Variants in JAKMIP1 observed in about 807,000 individuals in gnomAD.
JAKMIP1 encodes the protein janus kinase and microtubule interacting protein 1, also known as janus kinase and microtubule-interacting protein 1.
A neutral mutation model predicts 113.0 loss-of-function variants in JAKMIP1; 33 were observed. The ratio of observed to expected loss-of-function variants is 0.29; its 90% CI spans 0.22 to 0.39. The LOEUF (loss-of-function observed/expected upper bound fraction) is 0.39. JAKMIP1 is among the 10% of genes least tolerant of loss of function. The pLI, the probability that JAKMIP1 is intolerant of heterozygous loss-of-function variation, is 1.00. For missense variants in JAKMIP1, 813 were observed against 1,080.5 expected, an observed-to-expected ratio of 0.75 and a Z score of 3.47; for synonymous variants, 480 against 459.9, an observed-to-expected ratio of 1.04 and a Z score of -0.56.
At chr4:6,070,310 G>A (rs184414239) in intron 8 of JAKMIP1, 154 of 387,028 alleles carry the variant, frequency 4.0e-4, no homozygotes, top group African/African-American at 1.7e-3. Flanking sequence ...TAACACACCC[G>A]CCCTAGCAAC....
chr4:6,110,683 A>C (rs1339537800), intron 2 of JAKMIP1, among the ~76,000 whole-genome samples: 2 of 146,374 alleles, frequency 1.4e-5, no homozygotes, highest in East Asian at 2.0e-4. Context: ...TTCATTCCTC[A>C]AACAACCCAG....
At chr4:6,028,683 A>G (rs767641869) in intron 20 of JAKMIP1, among the ~76,000 whole-genome samples, 4 of 152,136 alleles carry the variant, frequency 2.6e-5, no homozygotes, top group Non-Finnish European at 5.9e-5. Context: ...AAGCCCAGAG[A>G]TGCCCCTTCT....
chr4:6,198,250 C>T (rs1728053573), intron 1 of JAKMIP1, among the ~76,000 whole-genome samples: 1 of 152,170 alleles, frequency 6.6e-6, no homozygotes, highest in Non-Finnish European at 1.5e-5. Context: ...ACTGATGGAA[C>T]CTGAGAGCTG....
At position 6,174,140 on chromosome 4, in the gene JAKMIP1, C is replaced by T. The variant is rs180754176; in HGVS notation, c.-148+26113G>A. On this transcript the variant is annotated intron_variant, in intron 1 of 20. Coordinates refer to ENST00000409021, the MANE Select transcript of JAKMIP1 (RefSeq NM_001099433.2). ...AATTTTATCACTGATTCATTTCCTA[C>T]TCGAACATCACCAATCGTTGCAATA... is the stretch of plus-strand genomic sequence containing the variant. Among the ~76,000 whole-genome samples the T allele has an allele frequency of 5.6e-3, 847 of 152,318 alleles. 4 individuals carry two copies. The highest frequency in any genetic ancestry group is 0.019 in the African/African-American group (801 of 41,560).
At chr4:6,115,961 C>G (rs976735097) in intron 1 of JAKMIP1, among the ~76,000 whole-genome samples, 1 of 152,120 alleles carries the variant, frequency 6.6e-6, no homozygotes, top group Non-Finnish European at 1.5e-5. Flanking sequence ...TGCACCCTAC[C>G]CCGTGCCCAG....
chr4:6,081,572 G>C lies in JAKMIP1; in HGVS notation c.1101+37C>G, dbSNP rs371048779. The C allele has an allele frequency of 6.2e-6, 10 of 1,611,268 alleles. No individual in the cohort carries two copies. In the African/African-American group the frequency reaches 1.2e-4, roughly 19 times the overall value. On this transcript the variant is annotated intron_variant, in intron 6 of 20. Transcript: ENST00000409021. The surrounding 1 kb of genome is among the most constrained non-coding windows in gnomAD (Gnocchi z 4.6). ...GCTGAAGAATCCCAGACAGAGAAGG[G>C]AGTGTCAGGGCTGTCCCCAAGGGGT...
In JAKMIP1 at chr4:6,116,273, C is replaced by G. The variant is rs6830058; in HGVS notation, c.-147-3276G>C. On this transcript the variant is annotated intron_variant, in intron 1 of 20. Transcript: ENST00000409021. This position sits in a 1 kb window ranked among gnomAD's most constrained non-coding sequence, Gnocchi z 5.1. Reference sequence around the variant, plus strand: ...CTGGCTGCGGGCTGCCCAAAGGTCTCATCAGCAGGAGCAACAGCAGGGAAC... The same window carrying G: ...CTGGCTGCGGGCTGCCCAAAGGTCTGATCAGCAGGAGCAACAGCAGGGAAC... Among the ~76,000 whole-genome samples the G allele has an allele frequency of 6.6e-6, 1 of 151,884 alleles. No individual in the cohort carries two copies. Among genetic ancestry groups the G allele is most frequent in the East Asian group, 1.9e-4 (1 of 5,170 alleles).
chr4:6,114,304 TAGA>T (rs1714485853), intron 1 of JAKMIP1, among the ~76,000 whole-genome samples: 1 of 152,132 alleles, frequency 6.6e-6, no homozygotes. Context: ...ATGGTGTGTC[TAGA>T]AGAAGGAAGA....
At chr4:6,112,606 G>C in intron 2 of JAKMIP1, 116 bp downstream of exon 2, 3 of 1,259,884 alleles carry the variant, frequency 2.4e-6, no homozygotes, top group Non-Finnish European at 3.4e-6. Context: ...GAGAGGTGAA[G>C]TGCCCCCCCT....
At chr4:6,118,137 G>A (rs1221824196) in intron 1 of JAKMIP1, among the ~76,000 whole-genome samples, 1 of 152,236 alleles carries the variant, frequency 6.6e-6, no homozygotes, top group Non-Finnish European at 1.5e-5. Flanking sequence ...TTTATGTTTA[G>A]AGACTGCAGT....
intron 17 of JAKMIP1, among the ~76,000 whole-genome samples, chr4:6,041,405 C>T (rs1397958270): frequency 6.6e-6 from 1 of 152,178 alleles, no homozygotes; most frequent in Non-Finnish European, 1.5e-5. Context: ...GCTCTTGCCA[C>T]ACCACACCCT....
chr4:6,094,838 A>T lies in JAKMIP1; in HGVS notation c.625-9209T>A, dbSNP rs994571124. 1.3e-5 allele frequency among the ~76,000 whole-genome samples: 2 copies of T among 152,122 alleles called. No individual in the cohort carries two copies. The highest frequency in any genetic ancestry group is 2.4e-5 in the African/African-American group (1 of 41,418). Reference sequence around the variant, plus strand: ...GAGAAACCTTGTCTCTGCAAAAAATACAAAAAAATTAGCTGGGCATAGGTG... The same window carrying T: ...GAGAAACCTTGTCTCTGCAAAAAATTCAAAAAAATTAGCTGGGCATAGGTG... On this transcript the variant is annotated intron_variant, in intron 3 of 20. Coordinates refer to ENST00000409021, the MANE Select transcript of JAKMIP1 (RefSeq NM_001099433.2). The surrounding 1 kb of genome is among the most constrained non-coding windows in gnomAD (Gnocchi z 4.2).
chr4:6,186,850 C>T lies in JAKMIP1; in HGVS notation c.-148+13403G>A, dbSNP rs936323088. On this transcript the variant is annotated intron_variant, in intron 1 of 20. Coordinates refer to ENST00000409021, the MANE Select transcript of JAKMIP1 (RefSeq NM_001099433.2). The surrounding 1 kb of genome is among the most constrained non-coding windows in gnomAD (Gnocchi z 5.5). The stretch of plus-strand genomic sequence containing the variant: ...AGGTTTTTTGTTTGTTTGTTTGAGA[C>T]AGTCTCTCACTCTGTCACCCAAGCT... Among the ~76,000 whole-genome samples, 3 of 152,154 alleles carry T rather than the reference C, an allele frequency of 2.0e-5. No individual in the cohort carries two copies. The highest frequency in any genetic ancestry group is 4.4e-5 in the Non-Finnish European group (3 of 68,032).
rs374709003 is a variant in JAKMIP1 at position 6,062,303 on chromosome 4, T to G, written c.1560+9A>C. 10 of 1,611,770 alleles carry G rather than the reference T, an allele frequency of 6.2e-6. No homozygotes were observed. In the African/African-American group the frequency reaches 1.1e-4, roughly 17 times the overall value. On this transcript the variant is annotated intron_variant, in intron 10 of 20. Transcript: ENST00000409021. The stretch of plus-strand genomic sequence containing the variant: ...CCCTCCCTCGAGCCCTGAGGCTGGC[T>G]GCACTCACCCGGGCCTCCCTCTCAG...
At position 6,081,908 on chromosome 4, in the gene JAKMIP1, G is replaced by T. The variant is rs531766718; in HGVS notation, c.955-153C>A. Among the ~76,000 whole-genome samples, 1 of 152,268 alleles carries T rather than the reference G, an allele frequency of 6.6e-6. No homozygotes were observed. Among genetic ancestry groups the T allele is most frequent in the East Asian group, 1.9e-4 (1 of 5,180 alleles). Reference sequence around the variant, plus strand: ...TTTGTTTGCTAGTTGCATGACAATGGGCAAGTTCTCAGCCTCAGTTTCCTC... The same window carrying T: ...TTTGTTTGCTAGTTGCATGACAATGTGCAAGTTCTCAGCCTCAGTTTCCTC... On this transcript the variant is annotated intron_variant, in intron 5 of 20. Transcript: ENST00000409021. The surrounding 1 kb of genome is among the most constrained non-coding windows in gnomAD (Gnocchi z 4.6).
At position 6,069,938 on chromosome 4, in the gene JAKMIP1, T is replaced by C. The variant is rs978478099; in HGVS notation, c.1303-4930A>G. 7 of 395,586 alleles carry C rather than the reference T, an allele frequency of 1.8e-5. No homozygotes were observed. Among genetic ancestry groups the C allele is most frequent in the Non-Finnish European group, 2.7e-5 (6 of 224,766 alleles). 24.5% of individuals were successfully genotyped at this position (395,586 alleles called of 1,614,324 possible). ...AGATCCAGTCTCTCTCAGCCACCTG[T>C]CTTCTCACCTTCCTATCATTTTCAA... On this transcript the variant is annotated intron_variant, in intron 8 of 20. Transcript: ENST00000409021. This position sits in a 1 kb window ranked among gnomAD's most constrained non-coding sequence, Gnocchi z 4.5.
At chr4:6,098,736 G>GA (rs1419549381) in intron 3 of JAKMIP1, among the ~76,000 whole-genome samples, 477 of 4,112 alleles carry the variant, frequency 0.12, 3 homozygotes, top group Non-Finnish European at 0.19. Context: ...GAAAGAAAGA[G>GA]AAGGAAGGAA....
intron 8 of JAKMIP1, among the ~76,000 whole-genome samples, chr4:6,077,482 CTTTT>C (rs34339999): frequency 3.3e-4 from 27 of 81,506 alleles, no homozygotes; most frequent in Admixed American, 8.5e-4. Flanking sequence ...ATTTCCTTTC[CTTTT>C]TTTTTTTTTT....
At chr4:6,123,121 A>G (rs1320173026) in intron 1 of JAKMIP1, among the ~76,000 whole-genome samples, 1 of 152,216 alleles carries the variant, frequency 6.6e-6, no homozygotes, top group Admixed American at 6.5e-5. Flanking sequence ...TTTTCTGACA[A>G]TGCTACTAGT....
Sources: allele counts gnomAD v4.1 joint callset (sites outside exome capture counted in the v4.1 genomes callset), GRCh38; gene constraint gnomAD v4.1.1; non-coding constraint Gnocchi (gnomAD v3.1); transcripts MANE v1.5; gene names NCBI Gene and HGNC (gene_info 2026-07-23, HGNC 2026-07-21).